SLC9A9: variants seen among roughly 807,000 people sequenced by gnomAD.
The protein encoded by SLC9A9 is sodium/hydrogen exchanger 9.
In SLC9A9, 62 loss-of-function variants were observed where a neutral mutation model predicts 77.8. The observed-to-expected ratio is 0.80, with a 90% CI of 0.65 to 0.98. The LOEUF (loss-of-function observed/expected upper bound fraction) is 0.98, where lower values mean the gene tolerates loss of function less well. Ranked by LOEUF, SLC9A9 falls within the 50% of genes least tolerant of loss-of-function variation. SLC9A9 has a pLI of 0.00. For missense variants in SLC9A9, 775 were observed against 774.9 expected, an observed-to-expected ratio of 1.00 and a Z score of 0.00; for synonymous variants, 320 against 283.5, an observed-to-expected ratio of 1.13 and a Z score of -1.29.
chr3:143,340,176 T>C (rs1299965827), intron 14 of SLC9A9, among the ~76,000 whole-genome samples: 3 of 152,214 alleles, frequency 2.0e-5, no homozygotes, highest in Non-Finnish European at 4.4e-5. Context: ...ATTTCATGAC[T>C]GACTGGCCTA....
chr3:143,456,573 T>TA (rs2035096143), intron 12 of SLC9A9, among the ~76,000 whole-genome samples: 1 of 151,794 alleles, frequency 6.6e-6, no homozygotes, highest in Non-Finnish European at 1.5e-5. Context: ...TCTTTCTTTT[T>TA]TTTTTTTTTG....
chr3:143,658,718 T>G (rs2038933859), intron 5 of SLC9A9, among the ~76,000 whole-genome samples: 1 of 152,194 alleles, frequency 6.6e-6, no homozygotes, highest in Admixed American at 6.5e-5. Flanking sequence ...AATTGCCTTT[T>G]TTTGATTAAA....
At chr3:143,270,590 A>G (rs1191122886) in intron 14 of SLC9A9, among the ~76,000 whole-genome samples, 1 of 152,202 alleles carries the variant, frequency 6.6e-6, no homozygotes, top group Non-Finnish European at 1.5e-5. Context: ...CTGGAGTACA[A>G]ATTAAAAAAA....
chr3:143,447,468 T>C (rs1559919576), intron 12 of SLC9A9, among the ~76,000 whole-genome samples: 1 of 152,202 alleles, frequency 6.6e-6, no homozygotes, highest in East Asian at 1.9e-4. Flanking sequence ...GCCTTAAAGT[T>C]AACCTTAAAA....
intron 14 of SLC9A9, among the ~76,000 whole-genome samples, chr3:143,356,362 T>G (rs77869749): frequency 0.016 from 2,429 of 152,310 alleles, 22 homozygotes; most frequent in African/African-American, 0.02. Context: ...GAGGATAGTA[T>G]GTATCATTCC....
chr3:143,488,595 C>T (rs933869228), intron 11 of SLC9A9, among the ~76,000 whole-genome samples: 15 of 151,772 alleles, frequency 9.9e-5, no homozygotes, highest in African/African-American at 2.4e-4. Flanking sequence ...GTGTACAACA[C>T]GCAAAAATCA....
chr3:143,644,536 A>G (rs1201416342), intron 6 of SLC9A9, among the ~76,000 whole-genome samples: 1 of 152,202 alleles, frequency 6.6e-6, no homozygotes. Flanking sequence ...GGGAACAGGA[A>G]TGAGAGAAAA....
chr3:143,562,582 C>A lies in SLC9A9; in HGVS notation c.1001-10132G>T, dbSNP rs191421561. ...TGCTTAATTGTCAAACTATTATAAG[C>A]ACTAAGGTATTTATCTTGCATGTTT... is the stretch of plus-strand genomic sequence containing the variant. On this transcript the variant is annotated intron_variant, in intron 8 of 15. Transcript: ENST00000316549. Among the ~76,000 whole-genome samples the A allele has an allele frequency of 2.0e-5, 3 of 151,606 alleles. No homozygotes were observed. The Admixed American group carries it at 2.0e-4, about 10-fold the overall frequency.
At chr3:143,464,065 A>G (rs2035241542) in intron 12 of SLC9A9, among the ~76,000 whole-genome samples, 2 of 152,236 alleles carry the variant, frequency 1.3e-5, no homozygotes, top group African/African-American at 4.8e-5. Flanking sequence ...ATATAGACTC[A>G]AGAAGGGAAG....
At chr3:143,718,927 CTT>C (rs1299794163) in intron 4 of SLC9A9, among the ~76,000 whole-genome samples, 1 of 152,212 alleles carries the variant, frequency 6.6e-6, no homozygotes, top group Non-Finnish European at 1.5e-5. Flanking sequence ...TCTAGGACGA[CTT>C]AGCCCCTCAG....
At chr3:143,560,315 G>A (rs2037059233) in intron 8 of SLC9A9, among the ~76,000 whole-genome samples, 1 of 152,194 alleles carries the variant, frequency 6.6e-6, no homozygotes, top group Non-Finnish European at 1.5e-5. Flanking sequence ...CCCTTGCTAA[G>A]AGTTGGCTCT....
chr3:143,750,516 T>C (rs1454831067), intron 4 of SLC9A9, among the ~76,000 whole-genome samples: 1 of 152,186 alleles, frequency 6.6e-6, no homozygotes, highest in Non-Finnish European at 1.5e-5. Flanking sequence ...TTGTTCCTGC[T>C]CTGACATAAA....
chr3:143,800,862 T>C (rs2008532378), intron 2 of SLC9A9, among the ~76,000 whole-genome samples: 1 of 152,164 alleles, frequency 6.6e-6, no homozygotes, highest in African/African-American at 2.4e-5. Context: ...TCAAATTTCT[T>C]CTCCATCCGT....
At chr3:143,798,503 A>G (rs1265324144) in intron 2 of SLC9A9, among the ~76,000 whole-genome samples, 2 of 152,066 alleles carry the variant, frequency 1.3e-5, no homozygotes, top group Admixed American at 6.6e-5. Context: ...CTCCTTCACT[A>G]TAGGCAAGCT....
In SLC9A9 at chr3:143,665,506, A is replaced by C. The variant is rs184508409; in HGVS notation, c.650-13146T>G. ...CAGAGCAGAACTGAAGGAGATAGAG[A>C]CACAAAAAACCCTTCAAAAAATCAA... On this transcript the variant is annotated intron_variant, in intron 5 of 15. Coordinates refer to ENST00000316549, the MANE Select transcript of SLC9A9 (RefSeq NM_173653.4). 4.2e-3 allele frequency among the ~76,000 whole-genome samples: 633 copies of C among 152,322 alleles called. 2 individuals are homozygous for C. The highest frequency in any genetic ancestry group is 0.012 in the African/African-American group (510 of 41,562).
intron 12 of SLC9A9, among the ~76,000 whole-genome samples, chr3:143,430,894 C>G (rs1218926578): frequency 1.3e-5 from 2 of 152,158 alleles, no homozygotes; most frequent in Non-Finnish European, 2.9e-5. Context: ...ACATGCTGCT[C>G]TCTTCCTTTT....
chr3:143,832,753 G>C (rs2009469734), intron 1 of SLC9A9, among the ~76,000 whole-genome samples: 1 of 149,824 alleles, frequency 6.7e-6, no homozygotes, highest in Admixed American at 6.7e-5. Flanking sequence ...GTGACCATAA[G>C]TAGATCCAGT....
At chr3:143,804,444 T>C (rs2008655034) in intron 2 of SLC9A9, among the ~76,000 whole-genome samples, 1 of 152,136 alleles carries the variant, frequency 6.6e-6, no homozygotes, top group Non-Finnish European at 1.5e-5. Context: ...AGTTACCCCA[T>C]CAGTCCCCAT....
At position 143,448,753 on chromosome 3, in the gene SLC9A9, A is replaced by G. The variant is rs1236780639; in HGVS notation, c.1469+18284T>C. Among the ~76,000 whole-genome samples the G allele has an allele frequency of 3.4e-5, 5 of 147,730 alleles. No individual in the cohort carries two copies. The East Asian group carries it at 9.7e-4, about 29-fold the overall frequency. ...ACATGAATAAAATAATCACAGTATC[A>G]TTTATAATAGTCTAAGATTATTCCA... On this transcript the variant is annotated intron_variant, in intron 12 of 15. Transcript: ENST00000316549.
Sources: gnomAD v4.1 joint callset for allele counts (sites outside exome capture counted in the v4.1 genomes callset) on GRCh38, gnomAD v4.1.1 for gene constraint, MANE v1.5 for transcripts, NCBI Gene and HGNC (gene_info 2026-07-23, HGNC 2026-07-21) for gene names.